Variants in BBS9 observed in about 807,000 individuals in gnomAD.
BBS9 encodes the protein protein PTHB1.
Under a neutral mutation model 117.7 loss-of-function variants are expected in BBS9, and 89 were observed. The ratio of observed to expected loss-of-function variants is 0.76; its 90% confidence interval spans 0.64 to 0.90. The LOEUF (loss-of-function observed/expected upper bound fraction) is 0.90. Among genes scored for constraint, BBS9 ranks in the 40% least tolerant of loss-of-function variants. BBS9 has a pLI of 0.00. For synonymous variants in BBS9, 379 were observed against 370.9 expected, an observed-to-expected ratio of 1.02 and a Z score of -0.25; for missense variants, 982 against 1,042.2, an observed-to-expected ratio of 0.94 and a Z score of 0.80.
intron 21 of BBS9, among the ~76,000 whole-genome samples, chr7:33,597,306 G>A (rs969617524): frequency 1.3e-5 from 2 of 152,006 alleles, no homozygotes; most frequent in Non-Finnish European, 2.9e-5. Flanking sequence ...AATGTCACTG[G>A]TGTATATTTT....
intron 1 of BBS9, among the ~76,000 whole-genome samples, chr7:33,141,316 A>G (rs7784540): frequency 0.16 from 24,633 of 152,096 alleles, 2,135 homozygotes; most frequent in South Asian, 0.21. Context: ...CAGCTACTTG[A>G]GAGGCTGAGG....
intron 19 of BBS9, among the ~76,000 whole-genome samples, chr7:33,464,879 A>ACAGT (rs1405670768): frequency 6.6e-6 from 1 of 151,954 alleles, no homozygotes; most frequent in Non-Finnish European, 1.5e-5. Context: ...AGGCTGGAGT[A>ACAGT]CAGTGGTGTC....
At chr7:33,177,725 C>A in intron 5 of BBS9, 134 bp downstream of exon 5, 2 of 710,174 alleles carry the variant, frequency 2.8e-6, no homozygotes, top group Non-Finnish European at 2.5e-6. Context: ...CCTTTGTATC[C>A]AAATGCCCAA....
chr7:33,588,906 G>A (rs1861408042), intron 21 of BBS9, among the ~76,000 whole-genome samples: 1 of 152,146 alleles, frequency 6.6e-6, no homozygotes, highest in Non-Finnish European at 1.5e-5. Context: ...TAGGAGAGGA[G>A]GCTGGAGGGA....
downstream of BBS9, among the ~76,000 whole-genome samples, chr7:33,610,621 AC>A (rs1423148298): frequency 6.6e-6 from 1 of 152,044 alleles, no homozygotes; most frequent in Non-Finnish European, 1.5e-5. Context: ...TGGCCTAATC[AC>A]CTCTTAACAG....
At chr7:33,334,947 T>A (rs1217487498) in intron 9 of BBS9, among the ~76,000 whole-genome samples, 1 of 152,168 alleles carries the variant, frequency 6.6e-6, no homozygotes, top group East Asian at 1.9e-4. Flanking sequence ...GTCCTGGAGA[T>A]GATGTGTATT....
chr7:33,592,374 G>A (rs1563415995), intron 21 of BBS9, among the ~76,000 whole-genome samples: 2 of 152,086 alleles, frequency 1.3e-5, no homozygotes, highest in Non-Finnish European at 2.9e-5. Flanking sequence ...CTTTGACTTT[G>A]CTCAAGATAC....
chr7:33,225,665 A>G (rs925553670), intron 5 of BBS9, among the ~76,000 whole-genome samples: 3 of 148,770 alleles, frequency 2.0e-5, no homozygotes, highest in African/African-American at 7.4e-5. Context: ...CTCTCCCAGA[A>G]CTGGAATCAG....
In BBS9 at chr7:33,444,299, G is replaced by A. The variant is rs528827145; in HGVS notation, c.2115+56155G>A. Among the ~76,000 whole-genome samples the A allele has an allele frequency of 3.3e-5, 5 of 152,176 alleles. No homozygotes were observed. The South Asian group carries it at 1.0e-3, about 32-fold the overall frequency. On this transcript the variant is annotated intron_variant, in intron 19 of 22. Transcript: ENST00000242067. ...TTCTTTATTGTCAGTTTTGAAGAAC[G>A]GTAACTCTATTAGGGAGATAAAAAT...
intron 5 of BBS9, among the ~76,000 whole-genome samples, chr7:33,246,270 C>G (rs949032335): frequency 1.3e-5 from 2 of 150,526 alleles, no homozygotes; most frequent in Non-Finnish European, 3.0e-5. Context: ...TGTTGAAACT[C>G]AGCTGATAAT....
intron 4 of BBS9, among the ~76,000 whole-genome samples, chr7:33,175,465 C>G (rs1330718297): frequency 6.6e-6 from 1 of 152,166 alleles, no homozygotes. Context: ...AATTTAATGG[C>G]CTTTAACTGA....
At chr7:33,272,612 A>G (rs1266414504) in intron 7 of BBS9, among the ~76,000 whole-genome samples, 2 of 152,046 alleles carry the variant, frequency 1.3e-5, no homozygotes, top group Non-Finnish European at 2.9e-5. Context: ...CTTGGTGACT[A>G]CTCTGTATAT....
chr7:33,548,386 G>C (rs565390620), intron 21 of BBS9, among the ~76,000 whole-genome samples: 282 of 151,670 alleles, frequency 1.9e-3, no homozygotes, highest in African/African-American at 6.5e-3. Flanking sequence ...TAGGGTACAT[G>C]TGCACATTGT....
At chr7:33,203,255 G>A (rs551169627) in intron 5 of BBS9, among the ~76,000 whole-genome samples, 4 of 152,172 alleles carry the variant, frequency 2.6e-5, no homozygotes, top group Non-Finnish European at 4.4e-5. Context: ...TACAATAGTG[G>A]TTCTCAAACT....
In BBS9 at chr7:33,460,133, C is replaced by T. The variant is rs552177312; in HGVS notation, c.2116-45330C>T. Among the ~76,000 whole-genome samples, 3 of 152,180 alleles carry T rather than the reference C, an allele frequency of 2.0e-5. No individual in the cohort carries two copies. In the South Asian group the frequency reaches 6.2e-4, roughly 32 times the overall value. ...ACAGCTGAAAGGCACTTAATCCTGC[C>T]TTGTCTACAAATCGATAATTTGTTC... On this transcript the variant is annotated intron_variant, in intron 19 of 22. Transcript: ENST00000242067.
chr7:33,344,613 T>C lies in BBS9; in HGVS notation c.1308T>C (p.Leu436=), dbSNP rs886043248. The change falls in exon 12 of 23, where the codon CTT becomes CTC. Residue 436 remains leucine, a synonymous_variant. Coordinates refer to ENST00000242067, the MANE Select transcript of BBS9 (RefSeq NM_198428.3). ...CCGATGTTGAGGTGGGAACTGACCTTGTCCCTTCTGTCACGGTGAAGGTAT... is the reference window on the plus strand; with the variant it reads ...CCGATGTTGAGGTGGGAACTGACCTCGTCCCTTCTGTCACGGTGAAGGTAT... ...QATDVEVGTD[L]VPSVTVKVTL... 6.2e-7 allele frequency: 1 copy of C among 1,614,106 alleles called. No individual in the cohort carries two copies. Among genetic ancestry groups the C allele is most frequent in the Non-Finnish European group, 8.5e-7 (1 of 1,179,970 alleles).
chr7:33,499,486 T>A (rs1182965161), intron 19 of BBS9, among the ~76,000 whole-genome samples: 1 of 152,252 alleles, frequency 6.6e-6, no homozygotes, highest in Non-Finnish European at 1.5e-5. Context: ...TCATCTATGC[T>A]GACCTTTTAT....
chr7:33,206,976 T>C (rs1275439714), intron 5 of BBS9, among the ~76,000 whole-genome samples: 1 of 152,228 alleles, frequency 6.6e-6, no homozygotes, highest in Non-Finnish European at 1.5e-5. Flanking sequence ...TTAAATTTTT[T>C]TTCTCATTTT....
intron 5 of BBS9, among the ~76,000 whole-genome samples, chr7:33,209,984 GTTGT>G (rs1374853294): frequency 6.6e-6 from 1 of 151,996 alleles, no homozygotes; most frequent in Non-Finnish European, 1.5e-5. Flanking sequence ...GCATGATTAG[GTTGT>G]TTGTTTGCAG....
Sources: gnomAD v4.1 joint callset for allele counts (sites outside exome capture counted in the v4.1 genomes callset) on GRCh38, gnomAD v4.1.1 for gene constraint, MANE v1.5 for transcripts, NCBI Gene and HGNC (gene_info 2026-07-23, HGNC 2026-07-21) for gene names.